AVEN: variants seen among roughly 807,000 people sequenced by gnomAD.
AVEN encodes cell death regulator Aven.
In AVEN, 41 loss-of-function variants were observed where a neutral mutation model predicts 38.1. The observed-to-expected ratio is 1.08, with a 90% CI of 0.84 to 1.40. The LOEUF (loss-of-function observed/expected upper bound fraction) is 1.40. AVEN is among the 40% of genes most tolerant of loss of function. The pLI is 0.00. For missense variants in AVEN, 605 were observed against 438.8 expected, an observed-to-expected ratio of 1.38 and a Z score of -3.38; for synonymous variants, 206 against 171.8, an observed-to-expected ratio of 1.20 and a Z score of -1.56.
chr15:33,934,191 T>C (rs996281277), intron 2 of AVEN, among the ~76,000 whole-genome samples: 2 of 144,290 alleles, frequency 1.4e-5, no homozygotes, highest in Non-Finnish European at 3.0e-5. Context: ...CTAGGCAACA[T>C]AGCAAGACCC....
rs180955994 is a variant in AVEN, at chr15:33,924,550, G to C, written c.446-48555C>G. 1.7e-4 allele frequency among the ~76,000 whole-genome samples: 26 copies of C among 152,116 alleles called. No individual in the cohort carries two copies. In the East Asian group the frequency reaches 3.5e-3, roughly 20 times the overall value. ...TTGCCCAGACTGGTCTTCAACACCT[G>C]GGCTCAAGCCATCCACCTGCCACAG... On this transcript the variant is annotated intron_variant, in intron 2 of 5. Transcript: ENST00000306730.
intron 2 of AVEN, among the ~76,000 whole-genome samples, chr15:33,886,477 G>C (rs1315482603): frequency 6.6e-6 from 1 of 152,076 alleles, no homozygotes; most frequent in Non-Finnish European, 1.5e-5. Context: ...TAATTTTTTT[G>C]TATTTTTAGT....
chr15:34,056,955 C>A (rs1900176031), intron 5 of AVEN, among the ~76,000 whole-genome samples: 1 of 152,114 alleles, frequency 6.6e-6, no homozygotes, highest in Non-Finnish European at 1.5e-5. Context: ...GGGGGGATCC[C>A]TTGAGCCCAA....
In AVEN at chr15:33,866,745, A is replaced by T. The variant is rs780930053; in HGVS notation, c.974-17T>A. Reference sequence around the variant, plus strand: ...TTGCACAAACTGGGGGAAAAAAAACAATGTTAACACCCTCAGATGAGTCCT... The same window carrying T: ...TTGCACAAACTGGGGGAAAAAAAACTATGTTAACACCCTCAGATGAGTCCT... On this transcript the variant is annotated splice_polypyrimidine_tract_variant and intron_variant, in intron 5 of 5. Transcript: ENST00000306730. 1.3e-6 allele frequency: 2 copies of T among 1,561,084 alleles called. No individual in the cohort carries two copies. The highest frequency in any genetic ancestry group is 3.3e-5 in the Admixed American group (2 of 59,782).
chr15:33,989,214 T>C (rs1896612634), intron 2 of AVEN, among the ~76,000 whole-genome samples: 1 of 152,148 alleles, frequency 6.6e-6, no homozygotes, highest in Non-Finnish European at 1.5e-5. Context: ...TAATTACATA[T>C]ATATGTTAGT....
intron 1 of AVEN, among the ~76,000 whole-genome samples, chr15:34,010,161 A>T (rs1567464904): frequency 6.6e-6 from 1 of 152,098 alleles, no homozygotes; most frequent in Non-Finnish European, 1.5e-5. Context: ...TGCTTAACAG[A>T]AACAATAAAA....
Position 33,992,252 on chromosome 15 carries a change from T to C in AVEN, c.445+10780A>G, listed in dbSNP as rs7179332. On this transcript the variant is annotated intron_variant, in intron 2 of 5. Coordinates refer to ENST00000306730, the MANE Select transcript of AVEN (RefSeq NM_020371.3). ...AAAATACAAAACAGTTAGCTGGGCG[T>C]GGTGGCGGGCACCTGTAGTCCCAGC... 9.0e-4 allele frequency among the ~76,000 whole-genome samples: 137 copies of C among 152,274 alleles called. 1 individual carries two copies. The highest frequency in any genetic ancestry group is 3.2e-3 in the African/African-American group (131 of 41,556).
At chr15:34,020,180 G>C (rs1898142258) in intron 1 of AVEN, among the ~76,000 whole-genome samples, 1 of 152,048 alleles carries the variant, frequency 6.6e-6, no homozygotes, top group African/African-American at 2.4e-5. Flanking sequence ...GCGTGGTGGT[G>C]GGTGCCTGTA....
intron 2 of AVEN, among the ~76,000 whole-genome samples, chr15:33,961,551 T>C (rs80258955): frequency 0.29 from 43,641 of 151,732 alleles, 6,581 homozygotes; most frequent in South Asian, 0.38. Flanking sequence ...AGGTGGCTCA[T>C]GCCTGTAATC....
chr15:33,869,992 T>G (rs1292428012), intron 4 of AVEN, among the ~76,000 whole-genome samples: 1 of 152,182 alleles, frequency 6.6e-6, no homozygotes, highest in Non-Finnish European at 1.5e-5. Context: ...CAGTTGACTG[T>G]TATTTCCACT....
At chr15:34,048,155 C>T (rs1370383601) in intron 5 of AVEN, among the ~76,000 whole-genome samples, 3 of 152,362 alleles carry the variant, frequency 2.0e-5, no homozygotes, top group Non-Finnish European at 2.9e-5. Flanking sequence ...GGATTACAGG[C>T]GTAAGCCACC....
chr15:33,874,237 T>C (rs1891128828), intron 3 of AVEN, among the ~76,000 whole-genome samples: 1 of 152,196 alleles, frequency 6.6e-6, no homozygotes, highest in Admixed American at 6.5e-5. Context: ...TTATATTTTG[T>C]TATTACCTCC....
intron 2 of AVEN, among the ~76,000 whole-genome samples, chr15:33,943,825 A>T (rs1232585181): frequency 6.7e-4 from 16 of 23,784 alleles, no homozygotes; most frequent in Non-Finnish European, 1.9e-3. Flanking sequence ...TCCGTCTTTA[A>T]AAAAAAAAAA....
chr15:33,933,491 T>TCACACACACACACACACACACACACA lies in AVEN; in HGVS notation c.446-57522_446-57497dup, dbSNP rs71974331. Among the ~76,000 whole-genome samples the TCACACACACACACACACACACACACA allele has an allele frequency of 2.0e-4, 14 of 68,300 alleles. 1 individual carries two copies. The highest frequency in any genetic ancestry group is 1.1e-3 in the African/African-American group (14 of 12,572). 44.8% of individuals were successfully genotyped at this position (68,300 alleles called of 152,430 possible). ...GTAAGCCAGGCCTGGCCTCCAACAA[T>TCACACACACACACACACACACACACA]CACACACACACACACACACACACAC... On this transcript the variant is annotated intron_variant, in intron 2 of 5. Transcript: ENST00000306730.
At chr15:33,961,626 A>G (rs1895174318) in intron 2 of AVEN, among the ~76,000 whole-genome samples, 1 of 151,518 alleles carries the variant, frequency 6.6e-6, no homozygotes, top group Non-Finnish European at 1.5e-5. Context: ...ATTCTGGCTA[A>G]CACGGTGAAA....
intron 2 of AVEN, among the ~76,000 whole-genome samples, chr15:33,940,476 A>G (rs780507335): frequency 1.3e-5 from 2 of 152,202 alleles, no homozygotes; most frequent in Admixed American, 6.5e-5. Flanking sequence ...TATGCCGGTC[A>G]TACCTATAAA....
intron 2 of AVEN, among the ~76,000 whole-genome samples, chr15:34,070,434 C>T (rs763107731): frequency 6.6e-6 from 1 of 150,864 alleles, no homozygotes; most frequent in Non-Finnish European, 1.5e-5. Context: ...TTTAAAATAT[C>T]CATATAGTTT....
At chr15:34,068,738 T>C (rs1470892101) in intron 2 of AVEN, among the ~76,000 whole-genome samples, 1 of 152,146 alleles carries the variant, frequency 6.6e-6, no homozygotes, top group East Asian at 1.9e-4. Flanking sequence ...CATGTCATGG[T>C]TAGACTTATT....
chr15:33,853,493 G>A, the AVEN span: 1,467 of 1,584,332 alleles, frequency 9.3e-4, no homozygotes, highest in Non-Finnish European at 1.2e-3. Context: ...GAAGACCCCA[G>A]AGCTAGAAAA....
Sources: gnomAD v4.1 joint callset for allele counts (sites outside exome capture counted in the v4.1 genomes callset) on GRCh38, gnomAD v4.1.1 for gene constraint, MANE v1.5 for transcripts, NCBI Gene and HGNC (gene_info 2026-07-23, HGNC 2026-07-21) for gene names.